The following DNM1L variants were observed in gnomAD, a reference collection of about 807,000 sequenced individuals.
DNM1L encodes dynamin-1-like protein.
A neutral mutation model predicts 92.8 loss-of-function variants in DNM1L; 33 were observed. That is an observed-to-expected ratio of 0.36 (90% CI 0.27 to 0.48). The LOEUF is 0.48. Among genes scored for constraint, DNM1L ranks in the 20% least tolerant of loss-of-function variants. The pLI is 0.99. For missense variants in DNM1L, 485 were observed against 888.8 expected, an observed-to-expected ratio of 0.55 and a Z score of 5.78; for synonymous variants, 284 against 305.0, an observed-to-expected ratio of 0.93 and a Z score of 0.72.
At chr12:32,743,186 CG>C (rs2137618154) in intron 19 of DNM1L, among the ~76,000 whole-genome samples, 167 bp from the exon 20 acceptor site, 1 of 152,104 alleles carries the variant, frequency 6.6e-6, no homozygotes, top group African/African-American at 2.4e-5. Flanking sequence ...TGAGCCACTG[CG>C]CCTGGCCGGT....
rs2177704 is a variant in DNM1L, at chr12:32,737,751, C to T, written c.1597-114C>T. On this transcript the variant is annotated intron_variant, in intron 14 of 19. Coordinates refer to ENST00000549701, the MANE Select transcript of DNM1L (RefSeq NM_012062.5). ...AACAATCTCCCATGATTATTTTCAT[C>T]TTTCATGTTATTTTACGATTTCATT... is the stretch of plus-strand genomic sequence containing the variant. 0.92 allele frequency: 744,885 copies of T among 811,274 alleles called. 342,781 individuals are homozygous for T. The highest frequency in any genetic ancestry group is 0.97 in the East Asian group (37,228 of 38,228). 50.3% of individuals were successfully genotyped at this position (811,274 alleles called of 1,614,324 possible).
chr12:32,685,632 G>C (rs1355113244), intron 1 of DNM1L, among the ~76,000 whole-genome samples: 1 of 151,946 alleles, frequency 6.6e-6, no homozygotes, highest in East Asian at 1.9e-4. Context: ...CAAAGTGCTG[G>C]GATTACAGGC....
intron 6 of DNM1L, among the ~76,000 whole-genome samples, chr12:32,717,951 T>C (rs1198584676): frequency 1.0e-5 from 1 of 95,426 alleles, no homozygotes; most frequent in Non-Finnish European, 1.9e-5. Flanking sequence ...TAAAATATAG[T>C]ATATATAGTA....
chr12:32,730,106 C>CT lies in DNM1L; in HGVS notation c.1080-907dup, dbSNP rs553666761. 9.2e-4 allele frequency among the ~76,000 whole-genome samples: 140 copies of CT among 152,292 alleles called. 2 individuals are homozygous for CT. The highest frequency in any genetic ancestry group is 3.4e-3 in the Middle Eastern group (1 of 294). On this transcript the variant is annotated intron_variant, in intron 9 of 19. Coordinates refer to ENST00000549701, the MANE Select transcript of DNM1L (RefSeq NM_012062.5). ...TAAGGCTGGGCGTGGTGGCTCATGC[C>CT]TGTAATCTCAGCACTTTGGGAGGCC...
At position 32,701,476 on chromosome 12, in the gene DNM1L, C is replaced by T; in HGVS notation, c.164C>T (p.Thr55Ile). 6.2e-7 allele frequency: 1 copy of T among 1,613,734 alleles called. No homozygotes were observed. Among genetic ancestry groups the T allele is most frequent in the Non-Finnish European group, 8.5e-7 (1 of 1,179,690 alleles). ...LVGRDLLPRGTGIVTRRPLIL... is the reference protein window; with the variant it reads ...LVGRDLLPRGIGIVTRRPLIL... ...GGGAGGGACCTGCTTCCCAGAGGTA[C>T]TGGAATTGTCACCCGGAGACCTCTC... Residue 55 changes from threonine (T) to isoleucine (I), a missense_variant, in exon 2 of 20, where the codon ACT becomes ATT. Physicochemically the swap from Thr to Ile is moderately conservative, Grantham distance 89 (BLOSUM62 -1). Coordinates refer to ENST00000549701, the MANE Select transcript of DNM1L (RefSeq NM_012062.5).
At chr12:32,710,798 A>T (rs974474648) in intron 4 of DNM1L, 131 bp from the exon 5 acceptor site, 2 of 745,222 alleles carry the variant, frequency 2.7e-6, no homozygotes, top group African/African-American at 3.5e-5. Flanking sequence ...TCAGGTTTTG[A>T]TTGTTAAAAA....
chr12:32,722,498 A>G lies in DNM1L; in HGVS notation c.944A>G (p.Tyr315Cys). The G allele has an allele frequency of 6.2e-7, 1 of 1,613,462 alleles. No individual in the cohort carries two copies. The highest frequency in any genetic ancestry group is 8.5e-7 in the Non-Finnish European group (1 of 1,179,972). The change falls in exon 9 of 20, where the codon TAT becomes TGT. Residue 315 changes from tyrosine to cysteine, a missense_variant. This residue lies in a region of DNM1L where 40 missense variants were observed against 128.7 expected (regional missense o/e 0.31). Transcript: ENST00000549701. ...AGAATAAATGTTCTAGCTGCTCAGT[A>G]TCAGTCTCTTCTAAATAGCTACGGT... ...KTRINVLAAQ[Y>C]QSLLNSYGEP...
At chr12:32,694,355 A>G (rs1432634201) in intron 1 of DNM1L, among the ~76,000 whole-genome samples, 1 of 152,188 alleles carries the variant, frequency 6.6e-6, no homozygotes, top group African/African-American at 2.4e-5. Context: ...AAGTGCTGGG[A>G]TTACAGGCGT....
At chr12:32,691,241 A>G (rs1952218778) in intron 1 of DNM1L, among the ~76,000 whole-genome samples, 1 of 151,866 alleles carries the variant, frequency 6.6e-6, no homozygotes, top group African/African-American at 2.4e-5. Flanking sequence ...CCAGCACCCC[A>G]GTAGCCTTGT....
intron 1 of DNM1L, chr12:32,692,456 GA>G (rs1256752448): frequency 6.6e-6 from 1 of 152,246 alleles, no homozygotes; most frequent in Non-Finnish European, 1.5e-5. Flanking sequence ...TATTTTCCAA[GA>G]AGTGACTCAG....
rs1017317775 is a variant in DNM1L, at chr12:32,731,602, G to A, written c.1356+91G>A. The A allele has an allele frequency of 6.6e-7, 1 of 1,514,508 alleles. No individual in the cohort carries two copies. The highest frequency in any genetic ancestry group is 9.1e-7 in the Non-Finnish European group (1 of 1,104,964). 93.8% of individuals were successfully genotyped at this position (1,514,508 alleles called of 1,614,324 possible). On this transcript the variant is annotated intron_variant, in intron 11 of 19. Coordinates refer to ENST00000549701, the MANE Select transcript of DNM1L (RefSeq NM_012062.5). The surrounding 1 kb of genome is among the most constrained non-coding windows in gnomAD (Gnocchi z 5.1). ...GGGTGGAAGGAAATGTATAAGATGG[G>A]ATACAAGGTAAAATCTGTAGTTCCC... is the stretch of plus-strand genomic sequence containing the variant.
chr12:32,742,853 G>T (rs1955402685), intron 19 of DNM1L, 105 bp downstream of exon 19: 1 of 1,073,772 alleles, frequency 9.3e-7, no homozygotes, highest in South Asian at 1.3e-5. Context: ...TTATATTCTA[G>T]CTAGGCTTGT....
chr12:32,695,018 C>G (rs1005258723), intron 1 of DNM1L, among the ~76,000 whole-genome samples: 2 of 152,060 alleles, frequency 1.3e-5, no homozygotes, highest in African/African-American at 4.8e-5. Flanking sequence ...AAGCTCCCTT[C>G]CAGGCCCACT....
At chr12:32,715,308 C>G (rs1186631673) in intron 6 of DNM1L, among the ~76,000 whole-genome samples, 2 of 151,738 alleles carry the variant, frequency 1.3e-5, no homozygotes, top group African/African-American at 4.8e-5. Context: ...TAATCCAGCC[C>G]AGTATTATTT....
At chr12:32,717,229 T>C (rs191154505) in intron 6 of DNM1L, among the ~76,000 whole-genome samples, 18,480 of 106,462 alleles carry the variant, frequency 0.17, 2,044 homozygotes, top group African/African-American at 0.28. Context: ...ATAGTATATA[T>C]TATATATATT....
chr12:32,690,557 G>A (rs1161549627), intron 1 of DNM1L, among the ~76,000 whole-genome samples: 1 of 152,182 alleles, frequency 6.6e-6, no homozygotes, highest in African/African-American at 2.4e-5. Context: ...TGCATCAAAA[G>A]TGGGAAAGTT....
At chr12:32,707,698 C>G (rs945180818) in intron 3 of DNM1L, among the ~76,000 whole-genome samples, 6 of 151,990 alleles carry the variant, frequency 3.9e-5, no homozygotes, top group Admixed American at 1.3e-4. Flanking sequence ...GCAAGTAATC[C>G]CAGTACTTAG....
At chr12:32,737,024 T>C (rs1195964093) in intron 13 of DNM1L, 81 bp from the exon 14 acceptor site, 1 of 1,463,558 alleles carries the variant, frequency 6.8e-7, no homozygotes. Flanking sequence ...ACTCCACACT[T>C]TTCAATTAAC....
intron 1 of DNM1L, among the ~76,000 whole-genome samples, chr12:32,683,394 T>A (rs938777810): frequency 3.3e-5 from 5 of 151,922 alleles, no homozygotes; most frequent in African/African-American, 9.7e-5. Context: ...TTTTTTTTTT[T>A]AAATTTAAAA....
Sources: gnomAD v4.1 joint callset for allele counts (sites outside exome capture counted in the v4.1 genomes callset) on GRCh38, gnomAD v4.1.1 for gene constraint, gnomAD v4.1.1 regional missense constraint, Gnocchi (gnomAD v3.1) non-coding constraint, MANE v1.5 for transcripts, NCBI Gene and HGNC (gene_info 2026-07-23, HGNC 2026-07-21) for gene names.